ZNF362: variants seen among roughly 807,000 people sequenced by gnomAD.
ZNF362 encodes rotund homolog.
ZNF362 carries 11 observed loss-of-function variants against 42.9 expected under a neutral mutation model. That is an observed-to-expected ratio of 0.26 (90% confidence interval 0.16 to 0.42). The LOEUF (loss-of-function observed/expected upper bound fraction) is 0.42, where lower values mean the gene tolerates loss of function less well. Ranked by LOEUF, ZNF362 falls within the 20% of genes least tolerant of loss-of-function variation. The pLI, the probability that ZNF362 is intolerant of heterozygous loss-of-function variation, is 1.00. For synonymous variants in ZNF362, 255 were observed against 257.3 expected, an observed-to-expected ratio of 0.99 and a Z score of 0.09; for missense variants, 362 against 576.2, an observed-to-expected ratio of 0.63 and a Z score of 3.81.
At chr1:33,157,748 GT>G in the ZNF362 span, among the ~76,000 whole-genome samples, 32 of 145,374 alleles carry the variant, frequency 2.2e-4, no homozygotes, top group East Asian at 4.0e-4. Context: ...CCTATCTCAT[GT>G]TTTTTTTTTT....
chr1:33,295,232 T>G lies in ZNF362; in HGVS notation c.1073T>G (p.Ile358Ser). 1.2e-6 allele frequency: 2 copies of G among 1,614,078 alleles called. No homozygotes were observed. Residue 358 changes from isoleucine to serine, a missense_variant, in exon 8 of 9, where the codon ATC becomes AGC. Physicochemically the swap from Ile to Ser is moderately radical, Grantham distance 142. This residue lies in a region of ZNF362 where 68 missense variants were observed against 107.4 expected (regional missense o/e 0.63). Transcript: ENST00000539719. ...TATTCGGACTCCGCTTCTTTGCAGA[T>G]CCACCTCTCGGCCCACGCCATCAAG... ...RAYSDSASLQ[I>S]HLSAHAIKHA...
At chr1:33,236,712 TATG>T in the ZNF362 span, among the ~76,000 whole-genome samples, 4 of 151,170 alleles carry the variant, frequency 2.6e-5, no homozygotes, top group Admixed American at 6.6e-5. Context: ...ACCACAAAAA[TATG>T]ATAAGTACAT....
At chr1:33,236,212 T>C in the ZNF362 span, among the ~76,000 whole-genome samples, 1 of 151,986 alleles carries the variant, frequency 6.6e-6, no homozygotes, top group South Asian at 2.1e-4. Flanking sequence ...ACATACTTTA[T>C]ATCATCACCC....
intron 1 of ZNF362, among the ~76,000 whole-genome samples, chr1:33,262,441 G>C (rs1048514069): frequency 6.6e-5 from 10 of 151,196 alleles, no homozygotes; most frequent in Admixed American, 2.0e-4. Flanking sequence ...CGAGTAGCTG[G>C]GACTACAGGT....
intron 6 of ZNF362, among the ~76,000 whole-genome samples, chr1:33,285,815 C>T (rs1043250512): frequency 6.6e-6 from 1 of 152,196 alleles, no homozygotes; most frequent in African/African-American, 2.4e-5. Context: ...GTAATCACAG[C>T]ACTTTGGGAG....
At chr1:33,165,379 G>A in the ZNF362 span, 1 of 1,214,130 alleles carries the variant, frequency 8.2e-7, no homozygotes, top group Non-Finnish European at 1.1e-6. This position sits in a 1 kb window ranked among gnomAD's most constrained non-coding sequence, Gnocchi z 4.0. Context: ...CCGCACACCC[G>A]AGGCCCCGCC....
At chr1:33,250,587 G>C in the ZNF362 span, among the ~76,000 whole-genome samples, 3 of 152,100 alleles carry the variant, frequency 2.0e-5, no homozygotes, top group Admixed American at 1.3e-4. Context: ...GGGCCTATTT[G>C]GGGAGCAGGG....
the ZNF362 span, among the ~76,000 whole-genome samples, chr1:33,185,314 C>T: frequency 1.0e-3 from 157 of 152,166 alleles, no homozygotes; most frequent in African/African-American, 3.6e-3. Flanking sequence ...CTCCACCTCC[C>T]AGCCTCAAGC....
upstream of ZNF362, among the ~76,000 whole-genome samples, chr1:33,255,391 T>A (rs1645780013): frequency 6.6e-6 from 1 of 152,200 alleles, no homozygotes; most frequent in African/African-American, 2.4e-5. Flanking sequence ...GTGCGCTCCC[T>A]GAGGGCAGGG....
chr1:33,296,306 T>C (rs1282140957), intron 8 of ZNF362, among the ~76,000 whole-genome samples: 1 of 152,060 alleles, frequency 6.6e-6, no homozygotes, highest in African/African-American at 2.4e-5. Flanking sequence ...CCAAAAAATG[T>C]CTTCAGGGAT....
Position 33,280,501 on chromosome 1 carries a change from G to T in ZNF362, c.683+44G>T. 1 of 1,504,352 alleles carries T rather than the reference G, an allele frequency of 6.6e-7. No homozygotes were observed. 93.2% of individuals were successfully genotyped at this position (1,504,352 alleles called of 1,614,324 possible). ...TGGGGTCCGAGTGGGCTTGGGGCTG[G>T]GGCTTGAGCCAGGGCTGCTCCAGGA... On this transcript the variant is annotated intron_variant, in intron 5 of 8. Coordinates refer to ENST00000539719, the MANE Select transcript of ZNF362 (RefSeq NM_152493.3). The surrounding 1 kb of genome is among the most constrained non-coding windows in gnomAD (Gnocchi z 5.6).
At chr1:33,206,664 G>GA in the ZNF362 span, among the ~76,000 whole-genome samples, 2 of 152,046 alleles carry the variant, frequency 1.3e-5, no homozygotes, top group African/African-American at 4.8e-5. Context: ...ACAGACTGGG[G>GA]AAAAATATTT....
chr1:33,161,133 G>A, the ZNF362 span, among the ~76,000 whole-genome samples: 27 of 152,342 alleles, frequency 1.8e-4, no homozygotes, highest in Admixed American at 1.6e-3. This position sits in a 1 kb window ranked among gnomAD's most constrained non-coding sequence, Gnocchi z 4.3. Flanking sequence ...GATGAAATGA[G>A]GGGGTGTTGT....
the ZNF362 span, chr1:33,181,716 C>T: frequency 2.3e-6 from 1 of 439,730 alleles, no homozygotes; most frequent in Non-Finnish European, 4.0e-6. This position sits in a 1 kb window ranked among gnomAD's most constrained non-coding sequence, Gnocchi z 6.5. Flanking sequence ...GGCTGAGGGA[C>T]GGAGATCCTG....
the ZNF362 span, chr1:33,147,458 TG>T: frequency 6.2e-7 from 1 of 1,614,030 alleles, no homozygotes; most frequent in Non-Finnish European, 8.5e-7. This position sits in a 1 kb window ranked among gnomAD's most constrained non-coding sequence, Gnocchi z 8.1. Context: ...AAGCCGCGGC[TG>T]GGCTGGATCT....
the ZNF362 span, among the ~76,000 whole-genome samples, chr1:33,178,660 C>T: frequency 6.6e-6 from 1 of 152,224 alleles, no homozygotes; most frequent in Non-Finnish European, 1.5e-5. Flanking sequence ...CCCCATTGTA[C>T]AGACAGAGCA....
At chr1:33,144,135 C>T in the ZNF362 span, among the ~76,000 whole-genome samples, 34 of 146,568 alleles carry the variant, frequency 2.3e-4, no homozygotes, top group African/African-American at 7.1e-4. Flanking sequence ...AATGTTACTT[C>T]TTTTTTTTTT....
At chr1:33,184,990 A>G in the ZNF362 span, among the ~76,000 whole-genome samples, 1 of 152,100 alleles carries the variant, frequency 6.6e-6, no homozygotes, top group African/African-American at 2.4e-5. Context: ...CATATTGGTC[A>G]GGCTGGTCTC....
the ZNF362 span, among the ~76,000 whole-genome samples, chr1:33,214,147 AAC>A: frequency 6.6e-6 from 1 of 152,208 alleles, no homozygotes; most frequent in Non-Finnish European, 1.5e-5. Flanking sequence ...GCCATGGGAA[AAC>A]ATACAGGAAT....
Sources: gnomAD v4.1 joint callset for allele counts (sites outside exome capture counted in the v4.1 genomes callset) on GRCh38, gnomAD v4.1.1 for gene constraint, gnomAD v4.1.1 regional missense constraint, Gnocchi (gnomAD v3.1) non-coding constraint, MANE v1.5 for transcripts, NCBI Gene and HGNC (gene_info 2026-07-23, HGNC 2026-07-21) for gene names.